Variants in SETD2 observed in about 807,000 individuals in gnomAD.
SETD2 encodes SET domain containing 2, histone lysine methyltransferase, also known as histone-lysine N-methyltransferase SETD2.
SETD2 carries 31 observed loss-of-function variants against 242.1 expected under a neutral mutation model. The observed-to-expected ratio is 0.13, with a 90% CI of 0.10 to 0.17. The LOEUF (loss-of-function observed/expected upper bound fraction) is 0.17. SETD2 is among the 10% of genes least tolerant of loss of function. The pLI, the probability that SETD2 is intolerant of heterozygous loss-of-function variation, is 1.00. For missense variants in SETD2, 2,481 were observed against 3,046.3 expected (o/e 0.81, Z 4.37); for synonymous variants, 1,006 against 1,066.5 (o/e 0.94, Z 1.11).
chr3:47,117,567 G>A (rs1012755235), intron 3 of SETD2, among the ~76,000 whole-genome samples: 2 of 152,108 alleles, frequency 1.3e-5, no homozygotes, highest in African/African-American at 4.8e-5. Flanking sequence ...GGGAGAAAAG[G>A]GGTTTCTAAA....
intron 4 of SETD2, 30 bp from the exon 5 acceptor site, chr3:47,114,034 C>A (rs774271763): frequency 3.8e-6 from 6 of 1,590,176 alleles, no homozygotes; most frequent in South Asian, 2.3e-5. Flanking sequence ...AAATTTAATT[C>A]TTTAAAGCAG....
chr3:47,022,607 C>T (rs1251934093), intron 18 of SETD2, among the ~76,000 whole-genome samples: 1 of 152,166 alleles, frequency 6.6e-6, no homozygotes, highest in Non-Finnish European at 1.5e-5. Flanking sequence ...AAACAATAAT[C>T]AGTTTGCCTT....
intron 12 of SETD2, among the ~76,000 whole-genome samples, chr3:47,072,958 G>A (rs1238443666): frequency 2.2e-5 from 3 of 137,388 alleles, no homozygotes; most frequent in African/African-American, 5.4e-5. Flanking sequence ...AAAAAAAAAA[G>A]AAAGAAAGAA....
At chr3:47,037,557 GTCAC>G (rs2039069449) in intron 18 of SETD2, 105 bp downstream of exon 18, 4 of 760,612 alleles carry the variant, frequency 5.3e-6, no homozygotes, top group East Asian at 5.2e-5. Context: ...TACATGCATA[GTCAC>G]TCACTTATTT....
chr3:47,140,857 T>C (rs908436413), intron 1 of SETD2, among the ~76,000 whole-genome samples: 1 of 152,166 alleles, frequency 6.6e-6, no homozygotes, highest in African/African-American at 2.4e-5. Flanking sequence ...AGCGAGACTC[T>C]GTCTCAAATA....
At chr3:47,051,494 A>G (rs2107562749) in intron 15 of SETD2, among the ~76,000 whole-genome samples, 1 of 152,306 alleles carries the variant, frequency 6.6e-6, no homozygotes, top group East Asian at 1.9e-4. Context: ...ACGCTATTCA[A>G]TTCTAACTGC....
intron 12 of SETD2, among the ~76,000 whole-genome samples, chr3:47,074,549 A>C (rs1451970021): frequency 6.6e-6 from 1 of 152,184 alleles, no homozygotes; most frequent in Non-Finnish European, 1.5e-5. Flanking sequence ...ATACCTAGAA[A>C]GTCCTCCTAG....
intron 1 of SETD2, among the ~76,000 whole-genome samples, chr3:47,138,028 G>A (rs1447073742): frequency 6.6e-6 from 1 of 150,966 alleles, no homozygotes; most frequent in East Asian, 2.0e-4. Flanking sequence ...CTGGAGTGCA[G>A]TGGCGCGATC....
rs746019134 is a variant in SETD2, at chr3:47,017,685, C to G, written c.7486G>C (p.Val2496Leu). Residue 2496 changes from valine to leucine, a missense_variant, in exon 20 of 21, where the codon GTG becomes CTG. Val to Leu is a conservative substitution (Grantham distance 32). Transcript: ENST00000409792. This position sits in a 1 kb window ranked among gnomAD's most constrained non-coding sequence, Gnocchi z 4.8. ...TCTTCAGTTGTGGTAATTCTTCCCA[C>G]TTTGCAGTCAGGTTTCCGGTAAGGG... ...LNPYRKPDCK[V>L]GRITTTEDFK... is the part of the protein sequence containing the mutation. The G allele has an allele frequency of 6.2e-7, 1 of 1,614,086 alleles. No homozygotes were observed.
At chr3:47,161,752 TA>T (rs932579145) in intron 1 of SETD2, among the ~76,000 whole-genome samples, 2 of 151,938 alleles carry the variant, frequency 1.3e-5, no homozygotes, top group African/African-American at 2.4e-5. Flanking sequence ...TAACGTAATT[TA>T]TTTTTTTTTA....
chr3:47,151,827 C>CA (rs11360089), intron 1 of SETD2, among the ~76,000 whole-genome samples: 282 of 99,806 alleles, frequency 2.8e-3, no homozygotes, highest in African/African-American at 6.8e-3. Flanking sequence ...ACTCTTGTCT[C>CA]AAAAAAAAAA....
intron 6 of SETD2, 66 bp from the exon 7 acceptor site, chr3:47,103,489 A>C: frequency 9.1e-7 from 1 of 1,099,614 alleles, no homozygotes; most frequent in South Asian, 1.2e-5. Context: ...ATTACCTGCA[A>C]AACTACATAC....
intron 6 of SETD2, among the ~76,000 whole-genome samples, chr3:47,103,744 G>A (rs75174160): frequency 1.6e-4 from 24 of 150,898 alleles, no homozygotes; most frequent in Non-Finnish European, 3.1e-4. Context: ...GCACACGCAC[G>A]CACACACACA....
Position 47,101,570 on chromosome 3 carries a change from G to T in SETD2, c.4918-15C>A, listed in dbSNP as rs764697321. On this transcript the variant is annotated splice_polypyrimidine_tract_variant and intron_variant, in intron 7 of 20. Transcript: ENST00000409792. Reference sequence around the variant, plus strand: ...TTCACAGTCCACTGAGATGATGTTTGAAAACAAAAGAAATTAGTAACTTAT... The same window carrying T: ...TTCACAGTCCACTGAGATGATGTTTTAAAACAAAAGAAATTAGTAACTTAT... The T allele has an allele frequency of 5.5e-6, 8 of 1,456,850 alleles. No homozygotes were observed. In the African/African-American group the frequency reaches 9.8e-5, roughly 18 times the overall value. The allele number at this position is 1,456,850 out of a possible 1,614,324, so 90.2% of individuals were successfully genotyped here.
Position 47,019,755 on chromosome 3 carries a change from C to A in SETD2, c.7431+5G>T, listed in dbSNP as rs1238128494. The A allele has an allele frequency of 1.2e-6, 2 of 1,612,440 alleles. No individual in the cohort carries two copies. Among genetic ancestry groups the A allele is most frequent in the Non-Finnish European group, 1.7e-6 (2 of 1,178,520 alleles). On this transcript the variant is annotated splice_donor_5th_base_variant and intron_variant, in intron 19 of 20. Transcript: ENST00000409792. ...AGCTTAGTGCTTATATCCACCAAAC[C>A]TTACCTCTTTTCTGAATACTTCTTT...
chr3:47,102,911 A>G (rs898132682), intron 7 of SETD2, among the ~76,000 whole-genome samples: 8 of 152,170 alleles, frequency 5.3e-5, no homozygotes, highest in African/African-American at 1.9e-4. Flanking sequence ...TTCAAAATTA[A>G]AATTTAGTTT....
intron 15 of SETD2, among the ~76,000 whole-genome samples, chr3:47,054,770 T>C (rs1174450510): frequency 6.6e-6 from 1 of 152,192 alleles, no homozygotes; most frequent in African/African-American, 2.4e-5. Flanking sequence ...CTATTTATAA[T>C]TATGAAAAAT....
At chr3:47,127,229 G>A (rs2043356315) in intron 1 of SETD2, among the ~76,000 whole-genome samples, 1 of 151,788 alleles carries the variant, frequency 6.6e-6, no homozygotes, top group Non-Finnish European at 1.5e-5. Flanking sequence ...ATGGTGGCGT[G>A]CACTTATAGT....
At chr3:47,056,617 C>G (rs1055038570) in intron 15 of SETD2, among the ~76,000 whole-genome samples, 2 of 152,130 alleles carry the variant, frequency 1.3e-5, no homozygotes, top group African/African-American at 4.8e-5. Flanking sequence ...GAGCCAGATC[C>G]ACCCTGCTAA....
Sources: allele counts gnomAD v4.1 joint callset (sites outside exome capture counted in the v4.1 genomes callset), GRCh38; gene constraint gnomAD v4.1.1; non-coding constraint Gnocchi (gnomAD v3.1); transcripts MANE v1.5; gene names NCBI Gene and HGNC (gene_info 2026-07-23, HGNC 2026-07-21).